The following ANKDD1A variants were observed in gnomAD, a reference collection of about 807,000 sequenced individuals.
The protein encoded by ANKDD1A is ankyrin repeat and death domain containing 1A, also known as ankyrin repeat and death domain-containing protein 1A.
Under a neutral mutation model 63.5 loss-of-function variants are expected in ANKDD1A, and 59 were observed. That is an observed-to-expected ratio of 0.93 (90% CI 0.75 to 1.15). ANKDD1A has a LOEUF of 1.15. Among genes scored for constraint, ANKDD1A ranks in the 50% most tolerant of loss-of-function variants. The pLI, the probability that ANKDD1A is intolerant of heterozygous loss-of-function variation, is 0.00. For missense variants in ANKDD1A, 632 were observed against 656.4 expected (o/e 0.96, Z 0.41); for synonymous variants, 266 against 263.9 (o/e 1.01, Z -0.08).
chr15:64,916,784 C>A (rs1163363426), intron 2 of ANKDD1A, among the ~76,000 whole-genome samples: 6 of 152,188 alleles, frequency 3.9e-5, no homozygotes, highest in Non-Finnish European at 5.9e-5. Context: ...CTTTCATTGT[C>A]CCCTCATAAG....
intron 9 of ANKDD1A, among the ~76,000 whole-genome samples, chr15:64,935,460 G>A (rs111450721): frequency 0.017 from 2,657 of 152,128 alleles, 45 homozygotes; most frequent in South Asian, 0.025. Flanking sequence ...CGGATCACGA[G>A]GTCAGGAGAT....
At chr15:64,953,398 CCTT>C (rs1247329043) in intron 14 of ANKDD1A, among the ~76,000 whole-genome samples, 41 of 130,998 alleles carry the variant, frequency 3.1e-4, no homozygotes, top group African/African-American at 9.7e-4. Context: ...TCTTAGTTCT[CCTT>C]TTCTTCTCCT....
At chr15:64,943,957 T>A (rs937178515) in intron 11 of ANKDD1A, among the ~76,000 whole-genome samples, 3 of 152,154 alleles carry the variant, frequency 2.0e-5, no homozygotes, top group Admixed American at 6.5e-5. Context: ...GCTTCCCAGC[T>A]CATTAGCACA....
chr15:64,937,019 T>C (rs945751560), intron 9 of ANKDD1A, among the ~76,000 whole-genome samples: 1 of 152,074 alleles, frequency 6.6e-6, no homozygotes, highest in Non-Finnish European at 1.5e-5. Flanking sequence ...ACTCATTAGG[T>C]TGGCAAAAAT....
At chr15:64,952,092 CTCT>C (rs1350223760) in intron 14 of ANKDD1A, among the ~76,000 whole-genome samples, 1 of 83,532 alleles carries the variant, frequency 1.2e-5, no homozygotes, top group Non-Finnish European at 2.4e-5. Context: ...TCTTTTCTTC[CTCT>C]TCTTCCTTCT....
chr15:64,941,506 A>C (rs2085184479), intron 9 of ANKDD1A, among the ~76,000 whole-genome samples: 1 of 152,200 alleles, frequency 6.6e-6, no homozygotes, highest in African/African-American at 2.4e-5. Flanking sequence ...CTATACAATT[A>C]CATGTCTACA....
At chr15:64,931,432 G>T in intron 7 of ANKDD1A, 55 bp from the exon 8 acceptor site, 1 of 1,547,416 alleles carries the variant, frequency 6.5e-7, no homozygotes, top group Non-Finnish European at 8.8e-7. Context: ...GGGATTGGGG[G>T]TCACTTGGGG....
At chr15:64,951,424 T>TTTC (rs1555366894) in intron 14 of ANKDD1A, 32 of 139,808 alleles carry the variant, frequency 2.3e-4, no homozygotes, top group Non-Finnish European at 2.7e-4. Flanking sequence ...TTCTTCCTCT[T>TTTC]TTCTTCTTTT....
intron 10 of ANKDD1A, 162 bp from the exon 11 acceptor site, chr15:64,943,322 A>C: frequency 1.5e-6 from 1 of 666,418 alleles, no homozygotes; most frequent in Non-Finnish European, 2.7e-6. Flanking sequence ...TAAAATGTAC[A>C]TATAAGATGA....
intron 14 of ANKDD1A, among the ~76,000 whole-genome samples, chr15:64,954,747 CTTCT>C (rs1203858212): frequency 1.3e-4 from 16 of 119,008 alleles, no homozygotes; most frequent in African/African-American, 3.8e-4. Flanking sequence ...CCTTCTCCTT[CTTCT>C]TTCTTTTTGT....
intron 8 of ANKDD1A, among the ~76,000 whole-genome samples, chr15:64,933,713 G>C (rs763403890): frequency 3.8e-4 from 58 of 151,510 alleles, no homozygotes; most frequent in African/African-American, 1.4e-3. Flanking sequence ...GTAGTGGCAG[G>C]CACCTGTAAT....
chr15:64,917,601 G>T (rs988661710), intron 3 of ANKDD1A, 87 bp downstream of exon 3: 7 of 1,489,722 alleles, frequency 4.7e-6, no homozygotes, highest in Non-Finnish European at 6.3e-6. Context: ...CGAGATTGCT[G>T]CTAATATGCA....
At chr15:64,953,449 TTTCTTCTC>T (rs2085340234) in intron 14 of ANKDD1A, among the ~76,000 whole-genome samples, 2 of 90,052 alleles carry the variant, frequency 2.2e-5, no homozygotes, top group Non-Finnish European at 2.4e-5. Flanking sequence ...CCTTTTCTTC[TTTCTTCTC>T]TCCTTCTTCT....
At chr15:64,930,535 G>GC (rs1399309212) in intron 6 of ANKDD1A, among the ~76,000 whole-genome samples, 5 of 152,240 alleles carry the variant, frequency 3.3e-5, no homozygotes, top group Non-Finnish European at 7.3e-5. Context: ...GGGGCCTTGA[G>GC]CCGTGAGAGG....
intron 14 of ANKDD1A, among the ~76,000 whole-genome samples, chr15:64,952,844 CTTGTCTCTTCTCCTTCT>C (rs2085322451): frequency 8.0e-5 from 3 of 37,610 alleles, no homozygotes; most frequent in Non-Finnish European, 7.0e-5. Context: ...CTTTCTTCTC[CTTGTCTCTTCTCCTTCT>C]TCTTTTCTTC....
chr15:64,928,157 A>G (rs1191699485), intron 6 of ANKDD1A, among the ~76,000 whole-genome samples: 1 of 152,210 alleles, frequency 6.6e-6, no homozygotes, highest in African/African-American at 2.4e-5. Context: ...ACACAGGTAG[A>G]GCTGGATTTG....
At chr15:64,940,705 T>C (rs1454338487) in intron 9 of ANKDD1A, among the ~76,000 whole-genome samples, 1 of 152,016 alleles carries the variant, frequency 6.6e-6, no homozygotes, top group African/African-American at 2.4e-5. Context: ...CCCAAAGTGC[T>C]GGGATTACAG....
chr15:64,952,267 CTTCTTT>C (rs2085302969), intron 14 of ANKDD1A, among the ~76,000 whole-genome samples: 1 of 148,288 alleles, frequency 6.7e-6, no homozygotes, highest in Non-Finnish European at 1.5e-5. Context: ...CTTCCTTCTC[CTTCTTT>C]TTCTTCTTCC....
chr15:64,944,754 A>G lies in ANKDD1A; in HGVS notation c.1161+7A>G. ...TTTCTACAGATGGGAGAAGGTACGG[A>G]GGCCTCACGCTTGATCTTTCCTCAT... On this transcript the variant is annotated splice_region_variant and intron_variant, in intron 12 of 14. Transcript: ENST00000319580. 1 of 1,613,616 alleles carries G rather than the reference A, an allele frequency of 6.2e-7. No individual in the cohort carries two copies. The highest frequency in any genetic ancestry group is 1.7e-4 in the Middle Eastern group (1 of 6,040).
Sources: gnomAD v4.1 joint callset for allele counts (sites outside exome capture counted in the v4.1 genomes callset) on GRCh38, gnomAD v4.1.1 for gene constraint, MANE v1.5 for transcripts, NCBI Gene and HGNC (gene_info 2026-07-23, HGNC 2026-07-21) for gene names.